Variants in MTUS2 observed in about 807,000 individuals in gnomAD.
The protein encoded by MTUS2 is microtubule-associated tumor suppressor candidate 2.
MTUS2 carries 40 observed loss-of-function variants against 114.1 expected under a neutral mutation model. The observed-to-expected ratio is 0.35, with a 90% CI of 0.27 to 0.46. The LOEUF is 0.46. MTUS2 is among the 20% of genes least tolerant of loss of function. The probability of loss-of-function intolerance (pLI) is 1.00; values close to 1 mark genes in which losing one functional copy is unlikely to be tolerated. For synonymous variants in MTUS2, 688 were observed against 672.0 expected (o/e 1.02, Z -0.37); for missense variants, 1,679 against 1,705.4 (o/e 0.98, Z 0.27).
chr13:28,926,527 TTAA>T (rs1881336669), intron 2 of MTUS2, among the ~76,000 whole-genome samples: 1 of 152,200 alleles, frequency 6.6e-6, no homozygotes, highest in Non-Finnish European at 1.5e-5. Flanking sequence ...GTACTTAATT[TTAA>T]TTAAGTAAAT....
At chr13:29,257,048 C>T (rs1449237020) in intron 5 of MTUS2, among the ~76,000 whole-genome samples, 1 of 152,200 alleles carries the variant, frequency 6.6e-6, no homozygotes, top group Admixed American at 6.5e-5. Context: ...CTGTCGCCAT[C>T]TCCCAGGTGC....
chr13:28,902,710 C>A (rs1045435029), intron 2 of MTUS2, among the ~76,000 whole-genome samples: 1 of 152,096 alleles, frequency 6.6e-6, no homozygotes, highest in African/African-American at 2.4e-5. Context: ...CTGTTTGACT[C>A]AATTTGCTAA....
intron 2 of MTUS2, among the ~76,000 whole-genome samples, chr13:28,926,978 CTAA>C (rs1881360698): frequency 6.6e-6 from 1 of 152,060 alleles, no homozygotes; most frequent in Non-Finnish European, 1.5e-5. Flanking sequence ...AAATGGGACT[CTAA>C]TATTTGTTAG....
intron 8 of MTUS2, among the ~76,000 whole-genome samples, chr13:29,395,994 G>T (rs1370654909): frequency 2.0e-5 from 3 of 152,062 alleles, no homozygotes; most frequent in Non-Finnish European, 4.4e-5. Flanking sequence ...ACAATTTTGG[G>T]CTTCATGAAA....
At chr13:29,388,288 G>C (rs1214255687) in intron 8 of MTUS2, among the ~76,000 whole-genome samples, 1 of 152,092 alleles carries the variant, frequency 6.6e-6, no homozygotes, top group African/African-American at 2.4e-5. Flanking sequence ...GATGGAGTCG[G>C]GGAGGTTGGC....
At chr13:29,368,634 A>G (rs549838331) in intron 8 of MTUS2, among the ~76,000 whole-genome samples, 1 of 145,108 alleles carries the variant, frequency 6.9e-6, no homozygotes, top group South Asian at 2.2e-4. Context: ...TCCATAAAAA[A>G]TAATTCAAAA....
At position 29,497,292 on chromosome 13, in the gene MTUS2, C is replaced by T. The variant is rs373897999; in HGVS notation, c.3634C>T (p.Arg1212Cys). Residue 1212 changes from arginine (R) to cysteine (C), a missense_variant, in exon 13 of 16, where the codon CGC becomes TGC. Arg to Cys is a radical substitution (Grantham distance 180). This residue lies in a region of MTUS2 where 822 missense variants were observed against 899.7 expected (regional missense o/e 0.91). Coordinates refer to ENST00000612955, the MANE Select transcript of MTUS2 (RefSeq NM_001033602.4). ...CCAGTCTCTGCGGGACAGAGCCCGCCGCTTCGAAGAGGCCTTGAGGAAGAA... is the reference window on the plus strand; with the variant it reads ...CCAGTCTCTGCGGGACAGAGCCCGCTGCTTCGAAGAGGCCTTGAGGAAGAA... ...QSQSLRDRAR[R>C]FEEALRKNTE... 12 of 1,612,038 alleles carry T rather than the reference C, an allele frequency of 7.4e-6. No individual in the cohort carries two copies. Among genetic ancestry groups the T allele is most frequent in the African/African-American group, 2.7e-5 (2 of 74,866 alleles).
intron 5 of MTUS2, among the ~76,000 whole-genome samples, chr13:29,116,647 A>G (rs1321121211): frequency 6.6e-6 from 1 of 152,198 alleles, no homozygotes; most frequent in Admixed American, 6.5e-5. Flanking sequence ...CTCTTCTTGC[A>G]CTTTGGGGCC....
At chr13:28,990,295 G>C (rs916484619) in intron 2 of MTUS2, among the ~76,000 whole-genome samples, 2 of 152,168 alleles carry the variant, frequency 1.3e-5, no homozygotes, top group Non-Finnish European at 2.9e-5. Context: ...GGCAAGTTCA[G>C]TCCTGGTTGG....
intron 5 of MTUS2, among the ~76,000 whole-genome samples, chr13:29,275,029 C>T (rs959371349): frequency 3.3e-5 from 5 of 152,194 alleles, no homozygotes; most frequent in Non-Finnish European, 1.5e-5. Flanking sequence ...CCATCATGCC[C>T]AGCCTATAAA....
At chr13:29,183,289 G>A (rs2987342) in intron 5 of MTUS2, among the ~76,000 whole-genome samples, 1 of 151,890 alleles carries the variant, frequency 6.6e-6, no homozygotes, top group Admixed American at 6.6e-5. Flanking sequence ...GGAAGTCAAC[G>A]ATGATGACCA....
At chr13:29,239,282 C>G (rs373450413) in intron 5 of MTUS2, 3 of 152,292 alleles carry the variant, frequency 2.0e-5, no homozygotes, top group African/African-American at 7.2e-5. Context: ...CACATACTCT[C>G]TAAAGCCAAA....
At chr13:28,853,805 A>G (rs1202270458) in intron 2 of MTUS2, among the ~76,000 whole-genome samples, 4 of 152,186 alleles carry the variant, frequency 2.6e-5, no homozygotes, top group East Asian at 1.9e-4. Context: ...ATAAAAACAG[A>G]TGATAACTTA....
At chr13:29,396,098 G>A (rs1479818030) in intron 8 of MTUS2, among the ~76,000 whole-genome samples, 3 of 152,090 alleles carry the variant, frequency 2.0e-5, no homozygotes, top group Non-Finnish European at 4.4e-5. Context: ...GGCATTTGTT[G>A]GACACCCACT....
At chr13:29,087,056 A>G (rs1170417191) in intron 4 of MTUS2, among the ~76,000 whole-genome samples, 1 of 152,122 alleles carries the variant, frequency 6.6e-6, no homozygotes, top group Non-Finnish European at 1.5e-5. Context: ...GAAGTGGGAT[A>G]ATTTGACTTC....
chr13:28,823,796 AG>A, intron 1 of MTUS2, among the ~76,000 whole-genome samples: 1 of 152,372 alleles, frequency 6.6e-6, no homozygotes, highest in South Asian at 2.1e-4. Flanking sequence ...CATATAGTTC[AG>A]CATGGCTGGG....
intron 8 of MTUS2, among the ~76,000 whole-genome samples, chr13:29,395,483 T>C (rs1241730563): frequency 6.6e-6 from 1 of 152,152 alleles, no homozygotes; most frequent in Non-Finnish European, 1.5e-5. Flanking sequence ...GTGAGTGAAT[T>C]GTGGTGCTGT....
chr13:28,841,928 G>T (rs1425401572), intron 2 of MTUS2, among the ~76,000 whole-genome samples: 1 of 152,138 alleles, frequency 6.6e-6, no homozygotes, highest in East Asian at 1.9e-4. Context: ...CTCATGATCT[G>T]CCCGCCTTGG....
At chr13:28,967,253 G>C (rs1883638079) in intron 2 of MTUS2, among the ~76,000 whole-genome samples, 1 of 152,166 alleles carries the variant, frequency 6.6e-6, no homozygotes, top group Non-Finnish European at 1.5e-5. Context: ...CCCTGGGCCT[G>C]ACTACTATAT....
Sources: gnomAD v4.1 joint callset for allele counts (sites outside exome capture counted in the v4.1 genomes callset) on GRCh38, gnomAD v4.1.1 for gene constraint, gnomAD v4.1.1 regional missense constraint, MANE v1.5 for transcripts, NCBI Gene and HGNC (gene_info 2026-07-23, HGNC 2026-07-21) for gene names.